UNC5A: variants seen among roughly 807,000 people sequenced by gnomAD.
UNC5A encodes unc-5 netrin receptor A.
A neutral mutation model predicts 87.4 loss-of-function variants in UNC5A; 20 were observed. That is an observed-to-expected ratio of 0.23 (90% CI 0.16 to 0.33). The LOEUF (loss-of-function observed/expected upper bound fraction) is 0.33. Ranked by LOEUF, UNC5A falls within the 10% of genes least tolerant of loss-of-function variation. The pLI is 1.00. For missense variants in UNC5A, 844 were observed against 1,133.4 expected, an observed-to-expected ratio of 0.74 and a Z score of 3.67; for synonymous variants, 438 against 482.3, an observed-to-expected ratio of 0.91 and a Z score of 1.20.
In UNC5A at chr5:176,877,964, A is replaced by G. The variant is rs1758305914; in HGVS notation, c.1706A>G (p.Tyr569Cys). Residue 569 changes from tyrosine to cysteine, a missense_variant, in exon 11 of 15, where the codon TAC becomes TGC. Physicochemically the swap from Tyr to Cys is radical, Grantham distance 194 (BLOSUM62 -2). Transcript: ENST00000329542. ...TGCCAGCTGGAGGCCAGTGCCTGCT[A>G]CGTCTTCACCGAGCAGCTGGGCCGC... ...YYCQLEASAC[Y>C]VFTEQLGRFA... The G allele has an allele frequency of 1.9e-6, 3 of 1,604,478 alleles. No homozygotes were observed. The highest frequency in any genetic ancestry group is 1.6e-4 in the Middle Eastern group (1 of 6,084).
chr5:176,868,004 A>T (rs531222766), intron 2 of UNC5A, 126 bp from the exon 3 acceptor site: 4,221 of 391,902 alleles, frequency 0.011, 14 homozygotes, highest in Middle Eastern at 0.055. Flanking sequence ...AATAAAATTT[A>T]AAAAAAAAAA....
At chr5:176,827,307 C>A (rs775676002) in intron 1 of UNC5A, among the ~76,000 whole-genome samples, 13 of 151,758 alleles carry the variant, frequency 8.6e-5, no homozygotes, top group Non-Finnish European at 1.8e-4. Context: ...CTCAGCCTCC[C>A]GAGTAGCTGG....
chr5:176,821,379 C>T (rs186416873), intron 1 of UNC5A, among the ~76,000 whole-genome samples: 1 of 152,296 alleles, frequency 6.6e-6, no homozygotes, highest in African/African-American at 2.4e-5. Context: ...CCTTTAGGAT[C>T]ACACAACCAG....
intron 1 of UNC5A, among the ~76,000 whole-genome samples, chr5:176,845,683 C>T (rs1344392888): frequency 6.6e-6 from 1 of 152,230 alleles, no homozygotes; most frequent in African/African-American, 2.4e-5. Flanking sequence ...GGAGCTTCCC[C>T]TCTAGTTCCA....
chr5:176,823,436 G>T (rs1043015572), intron 1 of UNC5A, among the ~76,000 whole-genome samples: 1 of 152,142 alleles, frequency 6.6e-6, no homozygotes, highest in Non-Finnish European at 1.5e-5. Context: ...CAGGCACTGG[G>T]GGCGAAGGGC....
At position 176,874,333 on chromosome 5, in the gene UNC5A, G is replaced by A; in HGVS notation, c.1145G>A (p.Cys382Tyr). ...TTTTTYQGSL[C>Y]PRQDGPSPKF... ...ACCACCACCTACCAGGGCAGTCTCT[G>A]TCCCCGGCAGGATGGGCCCAGCCCC... The change falls in exon 8 of 15, where the codon TGT (cysteine) becomes TAT (tyrosine). Residue 382 changes from cysteine (C) to tyrosine (Y), a missense_variant. Cys to Tyr is a radical substitution (Grantham distance 194). Around this residue, in one of 3 missense-constraint regions of UNC5A, gnomAD observed 353 missense variants for 387.5 expected, o/e 0.91. Transcript: ENST00000329542. This position sits in a 1 kb window ranked among gnomAD's most constrained non-coding sequence, Gnocchi z 7.6. 6.2e-7 allele frequency: 1 copy of A among 1,613,096 alleles called. No homozygotes were observed. Among genetic ancestry groups the A allele is most frequent in the Non-Finnish European group, 8.5e-7 (1 of 1,179,588 alleles).
Position 176,810,733 on chromosome 5 carries a change from G to T in UNC5A, c.-18G>T, listed in dbSNP as rs1277911164. ...GCGGGGCCCCGCGCCCGGCCCGCCC[G>T]CCTGCCCGCCCGCGGCCATGGCCGT... On this transcript the variant is annotated 5_prime_UTR_variant, in exon 1 of 15. Coordinates refer to ENST00000329542, the MANE Select transcript of UNC5A (RefSeq NM_133369.3). The surrounding 1 kb of genome is among the most constrained non-coding windows in gnomAD (Gnocchi z 7.3). The T allele has an allele frequency of 2.6e-5, 29 of 1,110,460 alleles. No homozygotes were observed. The highest frequency in any genetic ancestry group is 1.0e-4 in the Admixed American group (2 of 19,966). The allele number at this position is 1,110,460 out of a possible 1,614,324, so 68.8% of individuals were successfully genotyped here.
rs1173496192 is a variant in UNC5A, at chr5:176,866,855, G to A, written c.293-1275G>A. Among the ~76,000 whole-genome samples, 3 of 152,078 alleles carry A rather than the reference G, an allele frequency of 2.0e-5. 1 individual carries two copies. Among genetic ancestry groups the A allele is most frequent in the South Asian group, 4.1e-4 (2 of 4,820 alleles). The stretch of plus-strand genomic sequence containing the variant: ...GGTGGTGCCCAGAACGGAGGGAAGC[G>A]GCCCAGCTACCATGATCTCACCAGA... On this transcript the variant is annotated intron_variant, in intron 2 of 14. Coordinates refer to ENST00000329542, the MANE Select transcript of UNC5A (RefSeq NM_133369.3). The surrounding 1 kb of genome is among the most constrained non-coding windows in gnomAD (Gnocchi z 5.0).
At chr5:176,816,390 G>A (rs999320462) in intron 1 of UNC5A, among the ~76,000 whole-genome samples, 4 of 152,246 alleles carry the variant, frequency 2.6e-5, no homozygotes, top group African/African-American at 9.6e-5. Context: ...GCCTTCTCAG[G>A]GCGTCCAGAA....
intron 1 of UNC5A, among the ~76,000 whole-genome samples, chr5:176,853,419 C>T (rs1265765496): frequency 6.6e-6 from 1 of 152,222 alleles, no homozygotes; most frequent in South Asian, 2.1e-4. Context: ...CGCCCCCGCC[C>T]TGCCCCTTTG....
Position 176,878,658 on chromosome 5 carries a change from C to T in UNC5A, c.2184+19C>T, listed in dbSNP as rs760562338. The T allele has an allele frequency of 1.0e-5, 16 of 1,604,714 alleles. No individual in the cohort carries two copies. The highest frequency in any genetic ancestry group is 8.4e-5 in the Admixed American group (5 of 59,718). ...CACCAAGGTGGACGGGAGGGGCTGC[C>T]GCACCGCCGTGACGTGCTCCCACTA... On this transcript the variant is annotated intron_variant, in intron 13 of 14. Coordinates refer to ENST00000329542, the MANE Select transcript of UNC5A (RefSeq NM_133369.3).
intron 1 of UNC5A, among the ~76,000 whole-genome samples, chr5:176,814,531 T>C (rs1170647373): frequency 6.6e-6 from 1 of 152,194 alleles, no homozygotes; most frequent in Non-Finnish European, 1.5e-5. Context: ...TGCCAATCCC[T>C]GCACTGTGAA....
In UNC5A at chr5:176,841,932, T is replaced by C. The variant is rs964213911; in HGVS notation, c.71-20692T>C. Reference sequence around the variant, plus strand: ...AAAAATCAAGGCCGGGTGCGGTGGCTCACGCCGGTAATCCCAGCACTTTGG... The same window carrying C: ...AAAAATCAAGGCCGGGTGCGGTGGCCCACGCCGGTAATCCCAGCACTTTGG... On this transcript the variant is annotated intron_variant, in intron 1 of 14. Coordinates refer to ENST00000329542, the MANE Select transcript of UNC5A (RefSeq NM_133369.3). This position sits in a 1 kb window ranked among gnomAD's most constrained non-coding sequence, Gnocchi z 4.1. Among the ~76,000 whole-genome samples, 1 of 152,002 alleles carries C rather than the reference T, an allele frequency of 6.6e-6. No individual in the cohort carries two copies. Among genetic ancestry groups the C allele is most frequent in the Non-Finnish European group, 1.5e-5 (1 of 67,994 alleles).
intron 1 of UNC5A, among the ~76,000 whole-genome samples, chr5:176,860,288 G>A (rs1433101310): frequency 4.6e-5 from 7 of 152,216 alleles, no homozygotes; most frequent in Non-Finnish European, 7.4e-5. Context: ...TCCTCTGCAC[G>A]GCCTAGGGTC....
intron 6 of UNC5A, among the ~76,000 whole-genome samples, chr5:176,871,787 C>T (rs1424683400): frequency 2.8e-5 from 2 of 71,826 alleles, no homozygotes; most frequent in African/African-American, 7.8e-5. Context: ...CACAGCTTCA[C>T]ATCTGCCCAC....
At chr5:176,858,047 C>A (rs1422409559) in intron 1 of UNC5A, among the ~76,000 whole-genome samples, 1 of 152,238 alleles carries the variant, frequency 6.6e-6, no homozygotes, top group East Asian at 1.9e-4. Context: ...TTCTCACACG[C>A]CCGTCCGTCA....
intron 1 of UNC5A, among the ~76,000 whole-genome samples, chr5:176,839,340 A>T (rs2113618472): frequency 6.6e-6 from 1 of 152,400 alleles, no homozygotes. Flanking sequence ...GAAAGCCAGG[A>T]AACCTAGAGC....
At position 176,843,199 on chromosome 5, in the gene UNC5A, A is replaced by G. The variant is rs896724900; in HGVS notation, c.71-19425A>G. Reference sequence around the variant, plus strand: ...AAGAAAGAAAGAAAGAAAGAAAAAAAGAAAAGAAAATCATCAAAATGTGGA... The same window carrying G: ...AAGAAAGAAAGAAAGAAAGAAAAAAGGAAAAGAAAATCATCAAAATGTGGA... On this transcript the variant is annotated intron_variant, in intron 1 of 14. Transcript: ENST00000329542. 2.6e-5 allele frequency among the ~76,000 whole-genome samples: 4 copies of G among 152,022 alleles called. No individual in the cohort carries two copies. In the South Asian group the frequency reaches 8.3e-4, roughly 32 times the overall value.
In UNC5A at chr5:176,836,304, A is replaced by T. The variant is rs74931113; in HGVS notation, c.70+25484A>T. ...GGTGAGTGAGGGATGCCAGTACCCAACCATCCAGCATGCTTGTGGTCACGC... is the reference window on the plus strand; with the variant it reads ...GGTGAGTGAGGGATGCCAGTACCCATCCATCCAGCATGCTTGTGGTCACGC... On this transcript the variant is annotated intron_variant, in intron 1 of 14. Coordinates refer to ENST00000329542, the MANE Select transcript of UNC5A (RefSeq NM_133369.3). Among the ~76,000 whole-genome samples the T allele has an allele frequency of 3.3e-5, 5 of 152,338 alleles. No individual in the cohort carries two copies. The East Asian group carries it at 9.7e-4, about 29-fold the overall frequency.
Sources: gnomAD v4.1 joint callset for allele counts (sites outside exome capture counted in the v4.1 genomes callset) on GRCh38, gnomAD v4.1.1 for gene constraint, gnomAD v4.1.1 regional missense constraint, Gnocchi (gnomAD v3.1) non-coding constraint, MANE v1.5 for transcripts, NCBI Gene and HGNC (gene_info 2026-07-23, HGNC 2026-07-21) for gene names.